IL12RB1: variants seen among roughly 807,000 people sequenced by gnomAD.
The protein encoded by IL12RB1 is interleukin-12 receptor subunit beta-1.
In IL12RB1, 64 loss-of-function variants were observed where a neutral mutation model predicts 94.4. The observed-to-expected ratio is 0.68, with a 90% CI of 0.55 to 0.83. IL12RB1 has a LOEUF of 0.83. IL12RB1 is among the 40% of genes least tolerant of loss of function. The pLI, the probability that IL12RB1 is intolerant of heterozygous loss-of-function variation, is 0.00. For missense variants in IL12RB1, 814 were observed against 855.6 expected (o/e 0.95, Z 0.61); for synonymous variants, 362 against 355.5 (o/e 1.02, Z -0.21).
intron 13 of IL12RB1, among the ~76,000 whole-genome samples, chr19:18,062,594 G>A (rs1197526600): frequency 1.3e-5 from 2 of 152,094 alleles, no homozygotes; most frequent in Non-Finnish European, 2.9e-5. Context: ...CCAATATGAT[G>A]AAACCTGTCT....
At chr19:18,089,382 TG>T (rs1351916849), upstream of IL12RB1, among the ~76,000 whole-genome samples, 1 of 152,002 alleles carries the variant, frequency 6.6e-6, no homozygotes, top group Non-Finnish European at 1.5e-5. Context: ...TCCCAGCACT[TG>T]GGAGGCCGAG....
upstream of IL12RB1, among the ~76,000 whole-genome samples, chr19:18,088,393 A>ATC (rs2036476248): frequency 6.9e-6 from 1 of 144,194 alleles, no homozygotes; most frequent in Non-Finnish European, 1.5e-5. Flanking sequence ...CTCAAAATAT[A>ATC]TATATATATA....
intron 4 of IL12RB1, among the ~76,000 whole-genome samples, chr19:18,080,043 CTTTTCTTTTTTCTTTT>C (rs1303187929): frequency 2.0e-5 from 3 of 151,910 alleles, no homozygotes; most frequent in Admixed American, 6.6e-5. Flanking sequence ...TCATTCTTTT[CTTTTCTTTTTTCTTTT>C]TTTTCTTTTT....
intron 3 of IL12RB1, among the ~76,000 whole-genome samples, chr19:18,081,847 AATGGATGG>A (rs3048839): frequency 0.22 from 33,060 of 148,358 alleles, 4,632 homozygotes; most frequent in Non-Finnish European, 0.31. Context: ...AAAAAGAAAA[AATGGATGG>A]ATGGATGGAT....
chr19:18,066,809 T>C (rs777239393), intron 11 of IL12RB1, 112 bp from the exon 12 acceptor site: 107 of 779,918 alleles, frequency 1.4e-4, no homozygotes, highest in Non-Finnish European at 2.0e-4. Context: ...GGTAAGTCAT[T>C]TGAGGCCAGG....
chr19:18,082,238 T>C lies in IL12RB1; in HGVS notation c.151A>G (p.Arg51Gly). 4 of 1,613,320 alleles carry C rather than the reference T, an allele frequency of 2.5e-6. No individual in the cohort carries two copies. The highest frequency in any genetic ancestry group is 1.7e-5 in the Admixed American group (1 of 59,918). The change falls in exon 3 of 17, where the codon AGA becomes GGA. Residue 51 changes from arginine to glycine, a missense_variant. Coordinates refer to ENST00000593993, the MANE Select transcript of IL12RB1 (RefSeq NM_005535.3). ...CGATCACTGGATATCCGATAGCATC[T>C]CAGGTCCCTAGGGCCCGAGGCCGAG... ...SGSASGPRDL[R>G]CYRISSDRYE...
intron 1 of IL12RB1, 39 bp downstream of exon 1, chr19:18,086,721 C>T (rs1409912392): frequency 1.3e-6 from 2 of 1,583,112 alleles, no homozygotes; most frequent in African/African-American, 2.7e-5. Flanking sequence ...TGCCTCCACC[C>T]AGCAAGAGGA....
In IL12RB1 at chr19:18,077,666, A is replaced by T; in HGVS notation, c.410-11T>A. On this transcript the variant is annotated splice_polypyrimidine_tract_variant and intron_variant, in intron 4 of 16. Coordinates refer to ENST00000593993, the MANE Select transcript of IL12RB1 (RefSeq NM_005535.3). ...GAGGCTCATATTTAACTGGAAGCAG[A>T]GGTAGGGATTGGCGAGGGGCAGCCC... 1 of 1,573,734 alleles carries T rather than the reference A, an allele frequency of 6.4e-7. No homozygotes were observed. Among genetic ancestry groups the T allele is most frequent in the Non-Finnish European group, 8.7e-7 (1 of 1,143,242 alleles).
chr19:18,067,179 C>T (rs2034643261), intron 11 of IL12RB1, among the ~76,000 whole-genome samples: 1 of 151,714 alleles, frequency 6.6e-6, no homozygotes, highest in Non-Finnish European at 1.5e-5. Context: ...CAAAAATTAG[C>T]CAGGCATGAT....
rs1313506525 is a variant in IL12RB1, at chr19:18,082,141, G to C, written c.239+9C>G. On this transcript the variant is annotated intron_variant, in intron 3 of 16. Transcript: ENST00000593993. The stretch of plus-strand genomic sequence containing the variant: ...GGTGAGGGTTTGGGAATGGTAGAGG[G>C]GTCCTCACCAACACCGCAGGAAGTG... The C allele has an allele frequency of 1.3e-6, 2 of 1,535,386 alleles. No homozygotes were observed. The highest frequency in any genetic ancestry group is 2.7e-5 in the African/African-American group (2 of 73,378).
intron 1 of IL12RB1, among the ~76,000 whole-genome samples, chr19:18,086,344 C>T (rs1428152294): frequency 6.6e-6 from 1 of 152,034 alleles, no homozygotes; most frequent in Non-Finnish European, 1.5e-5. Flanking sequence ...ACTTGAGCAT[C>T]TTTGGATTTT....
chr19:18,071,350 A>G, intron 9 of IL12RB1: 1 of 967,432 alleles, frequency 1.0e-6, no homozygotes, highest in Non-Finnish European at 1.4e-6. Context: ...CAAGAAAAAA[A>G]AGAAATTAGA....
chr19:18,096,060 C>CA (rs919790571), intron 1 of IL12RB1, among the ~76,000 whole-genome samples: 11 of 151,520 alleles, frequency 7.3e-5, no homozygotes, highest in East Asian at 1.9e-4. Context: ...TCCATCTCTA[C>CA]AAAAAAAACC....
intron 6 of IL12RB1, 133 bp downstream of exon 6, chr19:18,076,164 G>T (rs2035461955): frequency 2.8e-6 from 2 of 715,848 alleles, no homozygotes; most frequent in Non-Finnish European, 2.6e-6. Flanking sequence ...AATTTGGAAA[G>T]AATCCAATAC....
At chr19:18,066,466 G>T (rs2034588206) in intron 12 of IL12RB1, 76 bp downstream of exon 12, 1 of 1,068,256 alleles carries the variant, frequency 9.4e-7, no homozygotes, top group Non-Finnish European at 1.4e-6. Flanking sequence ...AAGGTGCCCA[G>T]GGTCACACAG....
rs1000479714 is a variant in IL12RB1, at chr19:18,075,507, C to T, written c.700+242G>A. On this transcript the variant is annotated intron_variant, in intron 7 of 16. Coordinates refer to ENST00000593993, the MANE Select transcript of IL12RB1 (RefSeq NM_005535.3). ...AACTCCTGACCTCAAGTGATCTGCC[C>T]GCCTCAGCCTCCCAAAGTGCTGGGA... is the stretch of plus-strand genomic sequence containing the variant. 5.9e-4 allele frequency among the ~76,000 whole-genome samples: 89 copies of T among 151,890 alleles called. 1 individual carries two copies. The highest frequency in any genetic ancestry group is 4.0e-3 in the Admixed American group (61 of 15,198).
At chr19:18,064,350 A>T (rs2034412899) in intron 12 of IL12RB1, among the ~76,000 whole-genome samples, 1 of 151,700 alleles carries the variant, frequency 6.6e-6, no homozygotes, top group Non-Finnish European at 1.5e-5. Flanking sequence ...TGTGTTAGCC[A>T]GGATGGTCTC....
chr19:18,068,416 G>A lies in IL12RB1; in HGVS notation c.1300C>T (p.Leu434=), dbSNP rs771562593. The stretch of plus-strand genomic sequence containing the variant: ...TTGCCCCCAAAGTGGTAGGTGGACA[G>A]GACCGTAGACCACAAGGTGAGCTTC... ...PEKLTLWSTV[L]STYHFGGNAS... Residue 434 remains leucine, a synonymous_variant, in exon 11 of 17, where the codon CTG becomes TTG. Transcript: ENST00000593993. 12 of 1,613,278 alleles carry A rather than the reference G, an allele frequency of 7.4e-6. No homozygotes were observed. The East Asian group carries it at 2.0e-4, about 27-fold the overall frequency.
At chr19:18,079,196 C>T (rs1181015601) in intron 4 of IL12RB1, among the ~76,000 whole-genome samples, 1 of 149,936 alleles carries the variant, frequency 6.7e-6, no homozygotes, top group Non-Finnish European at 1.5e-5. Flanking sequence ...CTCCATACCA[C>T]AGGTTCACGT....
Sources: allele counts gnomAD v4.1 joint callset (sites outside exome capture counted in the v4.1 genomes callset), GRCh38; gene constraint gnomAD v4.1.1; transcripts MANE v1.5; gene names NCBI Gene and HGNC (gene_info 2026-07-23, HGNC 2026-07-21).